The following NCOA3 variants were observed in gnomAD, a reference collection of about 807,000 sequenced individuals.
The protein encoded by NCOA3 is CBP-interacting protein.
In NCOA3, 51 loss-of-function variants were observed where a neutral mutation model predicts 158.8. The observed-to-expected ratio is 0.32, with a 90% CI of 0.26 to 0.41. The LOEUF is 0.41. Ranked by LOEUF, NCOA3 falls within the 10% of genes least tolerant of loss-of-function variation. NCOA3 has a pLI of 1.00. For synonymous variants in NCOA3, 537 were observed against 592.4 expected, an observed-to-expected ratio of 0.91 and a Z score of 1.36; for missense variants, 1,510 against 1,746.6, an observed-to-expected ratio of 0.86 and a Z score of 2.41.
intron 1 of NCOA3, among the ~76,000 whole-genome samples, chr20:47,505,847 G>T (rs554019325): frequency 6.8e-6 from 1 of 147,444 alleles, no homozygotes; most frequent in Non-Finnish European, 1.5e-5. Context: ...TGTTGCTCAG[G>T]CTGGAGTGCA....
intron 5 of NCOA3, among the ~76,000 whole-genome samples, chr20:47,626,375 T>A (rs2086321278): frequency 6.6e-6 from 1 of 152,246 alleles, no homozygotes; most frequent in Non-Finnish European, 1.5e-5. Context: ...GAGCTAAGGA[T>A]GCTTTTCTCA....
chr20:47,611,864 C>T (rs999062226), intron 2 of NCOA3, among the ~76,000 whole-genome samples: 16 of 152,240 alleles, frequency 1.1e-4, no homozygotes, highest in African/African-American at 3.9e-4. Flanking sequence ...ACTCCCTTCA[C>T]CCAGGCTGGA....
At chr20:47,584,242 C>A (rs1007118393) in intron 2 of NCOA3, among the ~76,000 whole-genome samples, 35 of 152,134 alleles carry the variant, frequency 2.3e-4, no homozygotes, top group African/African-American at 6.8e-4. Context: ...CTGCAGTGAG[C>A]TATGACTGCA....
intron 2 of NCOA3, among the ~76,000 whole-genome samples, chr20:47,598,677 A>G (rs1260108770): frequency 2.0e-4 from 31 of 152,218 alleles, no homozygotes; most frequent in Admixed American, 2.0e-3. Flanking sequence ...TTTCTCATTT[A>G]AGAATATACA....
intron 1 of NCOA3, among the ~76,000 whole-genome samples, chr20:47,531,806 A>C (rs2084551756): frequency 6.6e-6 from 1 of 151,766 alleles, no homozygotes; most frequent in African/African-American, 2.4e-5. Context: ...TCCATCCTTC[A>C]GGTCCCTCAC....
At chr20:47,653,216 T>G in intron 22 of NCOA3, 144 bp downstream of exon 22, 1 of 1,230,936 alleles carries the variant, frequency 8.1e-7, no homozygotes, top group East Asian at 2.5e-5. Flanking sequence ...AAACTTGGTT[T>G]GAAGGCATTG....
At chr20:47,633,841 CAT>C (rs1463844074) in intron 9 of NCOA3, among the ~76,000 whole-genome samples, 1 of 152,176 alleles carries the variant, frequency 6.6e-6, no homozygotes, top group Non-Finnish European at 1.5e-5. Flanking sequence ...TTGGTATACA[CAT>C]GACTGTAGTT....
In NCOA3 at chr20:47,625,475, A is replaced by G. The variant is rs1260643304; in HGVS notation, c.351A>G (p.Leu117=). 1.3e-6 allele frequency: 2 copies of G among 1,599,944 alleles called. No individual in the cohort carries two copies. The highest frequency in any genetic ancestry group is 1.7e-6 in the Non-Finnish European group (2 of 1,167,306). ...ATAAAGACTCCTTAGGACCGCTTTT[A>G]CTTCAGGCAAGTATAAAGATTTTAA... ...VIDKDSLGPL[L]LQALDGFLFV... is the part of the protein sequence containing the mutation. The change falls in exon 5 of 23, where the codon TTA becomes TTG. Residue 117 remains leucine (L), a synonymous_variant. Coordinates refer to ENST00000371998, the MANE Select transcript of NCOA3 (RefSeq NM_181659.3).
intron 1 of NCOA3, among the ~76,000 whole-genome samples, chr20:47,556,635 G>A (rs976225883): frequency 1.3e-5 from 2 of 152,056 alleles, no homozygotes; most frequent in African/African-American, 2.4e-5. Flanking sequence ...TGATTCTCCT[G>A]TCTCAGCCTG....
intron 3 of NCOA3, 39 bp downstream of exon 3, chr20:47,622,369 G>T (rs2146297917): frequency 7.5e-7 from 1 of 1,330,104 alleles, no homozygotes; most frequent in Non-Finnish European, 1.0e-6. Flanking sequence ...CACACTTGTT[G>T]TGCCTTTGTT....
chr20:47,571,551 C>G (rs572362444), intron 1 of NCOA3, among the ~76,000 whole-genome samples: 1 of 151,832 alleles, frequency 6.6e-6, no homozygotes, highest in East Asian at 1.9e-4. Context: ...CTCCTGGCCT[C>G]AAGCAATCCA....
In NCOA3 at chr20:47,639,061, G is replaced by A; in HGVS notation, c.2566G>A (p.Val856Met). 6.2e-7 allele frequency: 1 copy of A among 1,614,196 alleles called. No individual in the cohort carries two copies. Among genetic ancestry groups the A allele is most frequent in the Non-Finnish European group, 8.5e-7 (1 of 1,180,032 alleles). The change falls in exon 14 of 23, where the codon GTG (valine) becomes ATG (methionine). Residue 856 changes from valine to methionine, a missense_variant. Coordinates refer to ENST00000371998, the MANE Select transcript of NCOA3 (RefSeq NM_181659.3). ...QSIRPPYNRA[V>M]SLDSPVSVGS... Reference sequence around the variant, plus strand: ...TATTCGTCCTCCATATAACCGAGCAGTGTCTCTGGATAGCCCTGTTTCTGT... The same window carrying A: ...TATTCGTCCTCCATATAACCGAGCAATGTCTCTGGATAGCCCTGTTTCTGT...
chr20:47,617,075 CTTCCTGAGTAGCTGGGACTACATG>C (rs2086151637), intron 2 of NCOA3, among the ~76,000 whole-genome samples: 1 of 152,170 alleles, frequency 6.6e-6, no homozygotes, highest in Non-Finnish European at 1.5e-5. Flanking sequence ...CCTGCCTCAG[CTTCCTGAGTAGCTGGGACTACATG>C]TGCATGCCAC....
At chr20:47,642,467 T>TTC in intron 17 of NCOA3, 83 bp downstream of exon 17, 1 of 912,432 alleles carries the variant, frequency 1.1e-6, no homozygotes, top group Middle Eastern at 3.3e-4. Flanking sequence ...CATACAAGAA[T>TTC]GCCTGTGTGT....
chr20:47,551,915 T>TA (rs913192702), intron 1 of NCOA3, among the ~76,000 whole-genome samples: 1 of 152,202 alleles, frequency 6.6e-6, no homozygotes, highest in Non-Finnish European at 1.5e-5. Context: ...TGTTAGGTTT[T>TA]AAAAAAACTT....
chr20:47,504,314 A>G (rs1569307540), intron 1 of NCOA3, among the ~76,000 whole-genome samples: 1 of 152,194 alleles, frequency 6.6e-6, no homozygotes, highest in Non-Finnish European at 1.5e-5. Flanking sequence ...ATAAAATAGA[A>G]TTCAGTAAGG....
chr20:47,655,076 C>T lies in NCOA3; in HGVS notation c.*1659C>T, dbSNP rs2146355922. 6.6e-6 allele frequency: 1 copy of T among 152,186 alleles called. No individual in the cohort carries two copies. The highest frequency in any genetic ancestry group is 2.4e-5 in the African/African-American group (1 of 41,502). 9.4% of individuals were successfully genotyped at this position (152,186 alleles called of 1,614,324 possible). On this transcript the variant is annotated 3_prime_UTR_variant, in exon 23 of 23. Coordinates refer to ENST00000371998, the MANE Select transcript of NCOA3 (RefSeq NM_181659.3). ...TGGATTAGAATAGTGTCAGTTATTT[C>T]TTAAGTAACTCAGTACCCAGAACAG... is the stretch of plus-strand genomic sequence containing the variant.
chr20:47,600,957 A>G (rs1184346948), intron 2 of NCOA3, among the ~76,000 whole-genome samples: 2 of 152,196 alleles, frequency 1.3e-5, no homozygotes, highest in Non-Finnish European at 2.9e-5. Flanking sequence ...GACAATTCCT[A>G]TTGATAATTG....
intron 2 of NCOA3, among the ~76,000 whole-genome samples, chr20:47,610,089 T>G (rs1230835624): frequency 1.3e-5 from 2 of 152,226 alleles, no homozygotes; most frequent in Non-Finnish European, 2.9e-5. Context: ...GCTTTTTTTA[T>G]TTTTTAACTT....
Sources: gnomAD v4.1 joint callset for allele counts (sites outside exome capture counted in the v4.1 genomes callset) on GRCh38, gnomAD v4.1.1 for gene constraint, MANE v1.5 for transcripts, NCBI Gene and HGNC (gene_info 2026-07-23, HGNC 2026-07-21) for gene names.